Variants in LRRC4C observed in about 807,000 individuals in gnomAD.
LRRC4C encodes leucine-rich repeat-containing protein 4C.
Under a neutral mutation model 33.6 loss-of-function variants are expected in LRRC4C, and 5 were observed. The ratio of observed to expected loss-of-function variants is 0.15; its 90% CI spans 0.08 to 0.31. The LOEUF (loss-of-function observed/expected upper bound fraction) is 0.31. Among genes scored for constraint, LRRC4C ranks in the 10% least tolerant of loss-of-function variants. The pLI, the probability that LRRC4C is intolerant of heterozygous loss-of-function variation, is 1.00. For synonymous variants in LRRC4C, 329 were observed against 302.0 expected (o/e 1.09, Z -0.93); for missense variants, 560 against 796.7 (o/e 0.70, Z 3.58).
intron 4 of LRRC4C, among the ~76,000 whole-genome samples, chr11:40,271,613 G>A (rs1590874313): frequency 6.6e-6 from 1 of 152,114 alleles, no homozygotes; most frequent in African/African-American, 2.4e-5. Flanking sequence ...GCATTTCTCT[G>A]CCTCCTGAAG....
At chr11:40,169,739 AG>A (rs779145380) in intron 5 of LRRC4C, among the ~76,000 whole-genome samples, 118 of 152,306 alleles carry the variant, frequency 7.7e-4, no homozygotes, top group Non-Finnish European at 1.3e-3. Context: ...CCTCGTACCA[AG>A]TCTAGTATTC....
intron 4 of LRRC4C, among the ~76,000 whole-genome samples, chr11:40,318,070 C>A (rs1485868375): frequency 1.3e-5 from 2 of 152,164 alleles, no homozygotes; most frequent in Admixed American, 6.5e-5. Context: ...GAAAGACATA[C>A]CCGAGAACAT....
intron 2 of LRRC4C, among the ~76,000 whole-genome samples, chr11:40,727,344 A>T (rs971299760): frequency 1.3e-5 from 2 of 152,142 alleles, no homozygotes; most frequent in East Asian, 3.9e-4. Context: ...AAATTGTACT[A>T]GGAAAACTGG....
At chr11:41,090,849 C>G (rs936963578) in intron 1 of LRRC4C, among the ~76,000 whole-genome samples, 1 of 152,118 alleles carries the variant, frequency 6.6e-6, no homozygotes, top group Non-Finnish European at 1.5e-5. Context: ...TTTCCCTTTG[C>G]CTTCCATCAT....
At chr11:40,422,840 T>C (rs114949697) in intron 3 of LRRC4C, among the ~76,000 whole-genome samples, 5,134 of 152,250 alleles carry the variant, frequency 0.034, 297 homozygotes, top group African/African-American at 0.12. Flanking sequence ...AGTAGTGAGC[T>C]GAGCTACTTG....
intron 3 of LRRC4C, among the ~76,000 whole-genome samples, chr11:40,447,405 C>G (rs1280600912): frequency 2.0e-5 from 3 of 152,128 alleles, no homozygotes; most frequent in African/African-American, 7.2e-5. Flanking sequence ...TGGAAGGAAA[C>G]ATGTTTGCTC....
intron 5 of LRRC4C, among the ~76,000 whole-genome samples, chr11:40,188,719 C>G (rs759993315): frequency 6.6e-6 from 1 of 152,126 alleles, no homozygotes; most frequent in South Asian, 2.1e-4. Context: ...CAAACACACA[C>G]ACACATGCAC....
chr11:40,987,137 T>C (rs1338774763), intron 1 of LRRC4C, among the ~76,000 whole-genome samples: 1 of 152,134 alleles, frequency 6.6e-6, no homozygotes, highest in African/African-American at 2.4e-5. Flanking sequence ...TCGGTATTCC[T>C]CCCTCCAGGT....
intron 1 of LRRC4C, among the ~76,000 whole-genome samples, chr11:41,153,413 G>A (rs1944087973): frequency 6.6e-6 from 1 of 152,090 alleles, no homozygotes; most frequent in African/African-American, 2.4e-5. Flanking sequence ...GTTTATGAAT[G>A]ATTCATTGAA....
chr11:40,454,395 T>A (rs1952038698), intron 3 of LRRC4C, among the ~76,000 whole-genome samples: 1 of 152,166 alleles, frequency 6.6e-6, no homozygotes, highest in Non-Finnish European at 1.5e-5. Flanking sequence ...AGAATTTTTT[T>A]TTTTTGTATT....
At chr11:40,180,858 A>G (rs73453881) in intron 5 of LRRC4C, among the ~76,000 whole-genome samples, 2,946 of 152,282 alleles carry the variant, frequency 0.019, 102 homozygotes, top group African/African-American at 0.067. Context: ...TTTTGTATTT[A>G]TCATAAAGTC....
chr11:40,892,171 G>T (rs113981942), intron 2 of LRRC4C, among the ~76,000 whole-genome samples: 22 of 148,958 alleles, frequency 1.5e-4, no homozygotes, highest in African/African-American at 5.4e-4. Flanking sequence ...GAAAAAAGAA[G>T]TTCCTCAAAA....
intron 3 of LRRC4C, among the ~76,000 whole-genome samples, chr11:40,483,455 G>A (rs1366402708): frequency 6.6e-6 from 1 of 152,086 alleles, no homozygotes; most frequent in Non-Finnish European, 1.5e-5. Flanking sequence ...GTGAGCCGTG[G>A]TTTAAATAAC....
intron 3 of LRRC4C, among the ~76,000 whole-genome samples, chr11:40,534,839 A>T (rs1956407421): frequency 6.6e-6 from 1 of 152,188 alleles, no homozygotes; most frequent in South Asian, 2.1e-4. Flanking sequence ...ATGAGTTATG[A>T]AGGATAATGG....
intron 4 of LRRC4C, among the ~76,000 whole-genome samples, chr11:40,318,487 T>C (rs10501228): frequency 0.064 from 9,794 of 152,202 alleles, 342 homozygotes; most frequent in Admixed American, 0.076. Flanking sequence ...CCTGCTACCT[T>C]CTACAGATAC....
At position 40,589,140 on chromosome 11, in the gene LRRC4C, G is replaced by C. The variant is rs1958910964; in HGVS notation, c.-270+59002C>G. On this transcript the variant is annotated intron_variant, in intron 3 of 6. Transcript: ENST00000528697. ...TCTCTTTGTAGGTCACTCAGGACTT[G>C]CTTTATGAATCTGGGTGCTCCTGTA... Among the ~76,000 whole-genome samples, 3 of 151,922 alleles carry C rather than the reference G, an allele frequency of 2.0e-5. No individual in the cohort carries two copies. The South Asian group carries it at 6.2e-4, about 32-fold the overall frequency.
At chr11:40,663,236 A>C (rs1055326951) in intron 2 of LRRC4C, among the ~76,000 whole-genome samples, 1 of 151,898 alleles carries the variant, frequency 6.6e-6, no homozygotes. Flanking sequence ...GTGCACCACC[A>C]TGCCTGGCTA....
At chr11:40,722,118 C>G (rs1947049995) in intron 2 of LRRC4C, among the ~76,000 whole-genome samples, 1 of 152,066 alleles carries the variant, frequency 6.6e-6, no homozygotes, top group Admixed American at 6.5e-5. Flanking sequence ...GCTAGCGCTT[C>G]TATTTCTAGG....
intron 2 of LRRC4C, among the ~76,000 whole-genome samples, chr11:40,927,104 G>A (rs1030041286): frequency 1.5e-4 from 23 of 152,102 alleles, no homozygotes; most frequent in Admixed American, 1.2e-3. Flanking sequence ...AGTCAGGCAC[G>A]GTGGCTCACG....
Sources: allele counts gnomAD v4.1 joint callset (sites outside exome capture counted in the v4.1 genomes callset), GRCh38; gene constraint gnomAD v4.1.1; transcripts MANE v1.5; gene names NCBI Gene and HGNC (gene_info 2026-07-23, HGNC 2026-07-21).